The following MACROD2 variants were observed in gnomAD, a reference collection of about 807,000 sequenced individuals.
The protein encoded by MACROD2 is mono-ADP ribosylhydrolase 2.
Under a neutral mutation model 70.4 loss-of-function variants are expected in MACROD2, and 36 were observed. The observed-to-expected ratio is 0.51, with a 90% confidence interval of 0.39 to 0.68. The LOEUF (loss-of-function observed/expected upper bound fraction) is 0.68, where lower values mean the gene tolerates loss of function less well. Ranked by LOEUF, MACROD2 falls within the 30% of genes least tolerant of loss-of-function variation. The probability of loss-of-function intolerance (pLI) is 0.00; values close to 1 mark genes in which losing one functional copy is unlikely to be tolerated. For missense variants in MACROD2, 496 were observed against 538.4 expected, an observed-to-expected ratio of 0.92 and a Z score of 0.78; for synonymous variants, 172 against 178.8, an observed-to-expected ratio of 0.96 and a Z score of 0.30.
intron 3 of MACROD2, among the ~76,000 whole-genome samples, chr20:14,136,981 T>A (rs2054806395): frequency 6.6e-6 from 1 of 152,170 alleles, no homozygotes; most frequent in African/African-American, 2.4e-5. Context: ...ACTAGCCACA[T>A]ATAGCTATTG....
intron 3 of MACROD2, among the ~76,000 whole-genome samples, chr20:14,312,997 A>G (rs6110242): frequency 0.19 from 29,660 of 152,250 alleles, 3,042 homozygotes; most frequent in East Asian, 0.29. Context: ...AGCTAATTAT[A>G]TAACACTTCA....
intron 5 of MACROD2, among the ~76,000 whole-genome samples, chr20:14,788,827 G>A (rs1283006666): frequency 7.1e-6 from 1 of 140,384 alleles, no homozygotes; most frequent in Non-Finnish European, 1.5e-5. Context: ...GGAGTGCGGT[G>A]GTGCGATCTC....
chr20:14,066,952 C>T (rs1349429080), intron 2 of MACROD2, among the ~76,000 whole-genome samples: 2 of 151,020 alleles, frequency 1.3e-5, no homozygotes, highest in African/African-American at 2.4e-5. Flanking sequence ...GCTGGGACTA[C>T]AGGCGCCCAC....
In MACROD2 at chr20:15,757,141, A is replaced by G. The variant is rs532889711; in HGVS notation, c.646-105604A>G. Among the ~76,000 whole-genome samples the G allele has an allele frequency of 2.5e-4, 38 of 152,340 alleles. No individual in the cohort carries two copies. In the South Asian group the frequency reaches 7.4e-3, roughly 30 times the overall value. On this transcript the variant is annotated intron_variant, in intron 8 of 17. Coordinates refer to ENST00000684519, the MANE Select transcript of MACROD2 (RefSeq NM_001351661.2). ...GGAACTTCAGAACACATCCCTTTGC[A>G]TAATTTTTTTGAAAGTAAAACCAAA...
intron 8 of MACROD2, among the ~76,000 whole-genome samples, chr20:15,668,247 G>A (rs1207023336): frequency 1.3e-4 from 20 of 151,746 alleles, no homozygotes; most frequent in African/African-American, 7.3e-5. Flanking sequence ...GCGACAGAGC[G>A]AGACTCTGTC....
At chr20:14,518,671 A>G (rs564223808) in intron 4 of MACROD2, among the ~76,000 whole-genome samples, 1 of 152,324 alleles carries the variant, frequency 6.6e-6, no homozygotes, top group East Asian at 1.9e-4. Context: ...GTATCCTAGA[A>G]TCAGAGAGAG....
chr20:15,368,773 C>CT (rs1000400811), intron 6 of MACROD2, among the ~76,000 whole-genome samples: 47 of 151,568 alleles, frequency 3.1e-4, no homozygotes, highest in African/African-American at 7.3e-4. Flanking sequence ...CAATCACAAA[C>CT]TTTTTTTTTA....
At chr20:16,015,589 G>A (rs1348167694) in intron 15 of MACROD2, among the ~76,000 whole-genome samples, 1 of 151,954 alleles carries the variant, frequency 6.6e-6, no homozygotes, top group African/African-American at 2.4e-5. Flanking sequence ...TATTTTATTG[G>A]GATTAATTAA....
chr20:15,993,137 A>G (rs141691197), intron 15 of MACROD2, among the ~76,000 whole-genome samples: 302 of 152,320 alleles, frequency 2.0e-3, no homozygotes, highest in South Asian at 7.3e-3. Flanking sequence ...CTGTCATACA[A>G]CTATAAAATC....
At chr20:15,934,377 A>C (rs2065625599) in intron 11 of MACROD2, among the ~76,000 whole-genome samples, 2 of 152,208 alleles carry the variant, frequency 1.3e-5, no homozygotes, top group South Asian at 4.1e-4. Flanking sequence ...GAAAGCACTG[A>C]AGCAAGGCAG....
intron 6 of MACROD2, among the ~76,000 whole-genome samples, chr20:15,271,807 A>G (rs934698151): frequency 2.0e-5 from 3 of 152,202 alleles, no homozygotes; most frequent in Admixed American, 1.3e-4. Flanking sequence ...AGCATGGGTG[A>G]AGCCATCCAG....
chr20:14,422,001 A>T (rs913316796), intron 3 of MACROD2, among the ~76,000 whole-genome samples: 3 of 152,124 alleles, frequency 2.0e-5, no homozygotes, highest in Non-Finnish European at 4.4e-5. Context: ...TGAGTCTTCG[A>T]CTATTATCTC....
intron 4 of MACROD2, among the ~76,000 whole-genome samples, chr20:14,585,249 A>G (rs1276582584): frequency 1.3e-5 from 2 of 152,178 alleles, no homozygotes; most frequent in Non-Finnish European, 2.9e-5. Context: ...CATACATAAA[A>G]ACATATTGTT....
chr20:15,418,036 A>C (rs897210697), intron 6 of MACROD2, among the ~76,000 whole-genome samples: 1 of 152,286 alleles, frequency 6.6e-6, no homozygotes, highest in South Asian at 2.1e-4. Flanking sequence ...TCTGCAGTGG[A>C]AAGTGCTTAG....
chr20:14,559,301 T>A (rs1249256427), intron 4 of MACROD2, among the ~76,000 whole-genome samples: 5 of 151,718 alleles, frequency 3.3e-5, no homozygotes, highest in Admixed American at 1.3e-4. Context: ...TGTATTTTTT[T>A]AAATTAAAAT....
chr20:16,010,716 C>T (rs2066852370), intron 15 of MACROD2, among the ~76,000 whole-genome samples: 1 of 152,172 alleles, frequency 6.6e-6, no homozygotes, highest in African/African-American at 2.4e-5. Flanking sequence ...TGGGAGACAG[C>T]ATCCCCTCCA....
chr20:14,013,474 G>A (rs188693019), intron 2 of MACROD2, among the ~76,000 whole-genome samples: 29 of 151,562 alleles, frequency 1.9e-4, no homozygotes, highest in Middle Eastern at 3.4e-3. Context: ...GGGTTTCACC[G>A]TGTTAGCCAG....
intron 5 of MACROD2, among the ~76,000 whole-genome samples, chr20:14,952,310 T>A (rs979579830): frequency 5.3e-5 from 8 of 152,176 alleles, no homozygotes; most frequent in African/African-American, 1.7e-4. Flanking sequence ...AGAATGTGGG[T>A]ATAATGTTGC....
At chr20:14,572,249 G>A (rs1488917659) in intron 4 of MACROD2, among the ~76,000 whole-genome samples, 4 of 152,012 alleles carry the variant, frequency 2.6e-5, no homozygotes, top group Non-Finnish European at 5.9e-5. Flanking sequence ...GAGATCAGTT[G>A]GTGTTCATTT....
Sources: allele counts gnomAD v4.1 joint callset (sites outside exome capture counted in the v4.1 genomes callset), GRCh38; gene constraint gnomAD v4.1.1; transcripts MANE v1.5; gene names NCBI Gene and HGNC (gene_info 2026-07-23, HGNC 2026-07-21).